The following LRFN5 variants were observed in gnomAD, a reference collection of about 807,000 sequenced individuals.
The protein encoded by LRFN5 is leucine-rich repeat and fibronectin type-III domain-containing protein 5.
Under a neutral mutation model 45.6 loss-of-function variants are expected in LRFN5, and 24 were observed. That is an observed-to-expected ratio of 0.53 (90% CI 0.38 to 0.74). The LOEUF is 0.74. Ranked by LOEUF, LRFN5 falls within the 30% of genes least tolerant of loss-of-function variation. LRFN5 has a pLI of 0.00. For synonymous variants in LRFN5, 340 were observed against 313.8 expected (o/e 1.08, Z -0.88); for missense variants, 776 against 861.5 (o/e 0.90, Z 1.24).
At chr14:41,635,639 T>G (rs530656083) in intron 1 of LRFN5, among the ~76,000 whole-genome samples, 1 of 152,136 alleles carries the variant, frequency 6.6e-6, no homozygotes, top group African/African-American at 2.4e-5. Flanking sequence ...AGGTTGTCCT[T>G]GAAGAACAGG....
intron 2 of LRFN5, among the ~76,000 whole-genome samples, chr14:41,853,895 A>G (rs920213285): frequency 3.9e-5 from 6 of 152,118 alleles, no homozygotes; most frequent in Non-Finnish European, 5.9e-5. Flanking sequence ...AGCAACAACT[A>G]TGATTTACTG....
intron 1 of LRFN5, among the ~76,000 whole-genome samples, chr14:41,661,023 C>T (rs1469565809): frequency 6.7e-6 from 1 of 150,100 alleles, no homozygotes; most frequent in Non-Finnish European, 1.5e-5. Flanking sequence ...TTATTCATTC[C>T]TATGAGGTAC....
chr14:41,618,513 C>T (rs1887998016), intron 1 of LRFN5, among the ~76,000 whole-genome samples: 1 of 152,210 alleles, frequency 6.6e-6, no homozygotes, highest in Non-Finnish European at 1.5e-5. Context: ...GCCAGACACG[C>T]AGATGAGGCC....
chr14:41,901,568 AT>A (rs1291719650), intron 5 of LRFN5, among the ~76,000 whole-genome samples: 1 of 152,036 alleles, frequency 6.6e-6, no homozygotes, highest in East Asian at 1.9e-4. Flanking sequence ...ATTAGTCCAC[AT>A]TTAATAACAA....
At chr14:41,747,310 G>T (rs1051426653) in intron 1 of LRFN5, among the ~76,000 whole-genome samples, 3 of 147,968 alleles carry the variant, frequency 2.0e-5, no homozygotes, top group Admixed American at 1.4e-4. Context: ...GTAATCAAAG[G>T]ATTTTGGTAC....
intron 2 of LRFN5, among the ~76,000 whole-genome samples, chr14:41,781,554 GAAA>G: frequency 1.0e-5 from 1 of 96,086 alleles, no homozygotes; most frequent in African/African-American, 4.1e-5. Flanking sequence ...AAGGAGAAAA[GAAA>G]GAGAAAGAAA....
intron 1 of LRFN5, among the ~76,000 whole-genome samples, chr14:41,686,667 G>C (rs1882138348): frequency 6.6e-6 from 1 of 152,062 alleles, no homozygotes; most frequent in South Asian, 2.1e-4. Context: ...TTTTTAACAT[G>C]AACGGATGTT....
At chr14:41,792,496 C>G (rs1886960603) in intron 2 of LRFN5, among the ~76,000 whole-genome samples, 1 of 151,980 alleles carries the variant, frequency 6.6e-6, no homozygotes, top group East Asian at 1.9e-4. Flanking sequence ...AACACACACT[C>G]CCAGAGTGGC....
chr14:41,671,616 C>CGTTTTTTTTTT (rs1881223805), intron 1 of LRFN5, among the ~76,000 whole-genome samples: 1 of 37,220 alleles, frequency 2.7e-5, no homozygotes, highest in Non-Finnish European at 4.5e-5. Flanking sequence ...TTTTTTTTTT[C>CGTTTTTTTTTT]GTTTTTTTTT....
At position 41,830,421 on chromosome 14, in the gene LRFN5, TG is replaced by T. The variant is rs1295253091; in HGVS notation, c.-20-56184del. Among the ~76,000 whole-genome samples the T allele has an allele frequency of 5.3e-5, 8 of 152,324 alleles. No homozygotes were observed. The East Asian group carries it at 1.5e-3, about 29-fold the overall frequency. On this transcript the variant is annotated intron_variant, in intron 2 of 5. Transcript: ENST00000298119. ...TAAAATATTTAAAGGGTTTTATTAA[TG>T]TTTCCCATCAGCTTTATCTTTGATT...
intron 2 of LRFN5, among the ~76,000 whole-genome samples, chr14:41,876,240 C>T (rs1890179262): frequency 6.6e-6 from 1 of 150,438 alleles, no homozygotes; most frequent in African/African-American, 2.4e-5. Flanking sequence ...TGTAGATACA[C>T]TGAGCACCAG....
At chr14:41,821,230 A>G (rs764579218) in intron 2 of LRFN5, among the ~76,000 whole-genome samples, 1 of 151,982 alleles carries the variant, frequency 6.6e-6, no homozygotes, top group Non-Finnish European at 1.5e-5. Flanking sequence ...GTTCAGTATG[A>G]TATTGGCTGT....
At chr14:41,746,897 G>C (rs1309999317) in intron 1 of LRFN5, among the ~76,000 whole-genome samples, 2 of 151,898 alleles carry the variant, frequency 1.3e-5, no homozygotes, top group African/African-American at 4.8e-5. Context: ...AGCATTTGCA[G>C]TCTATACACT....
intron 2 of LRFN5, among the ~76,000 whole-genome samples, chr14:41,874,903 A>G (rs1890136545): frequency 6.6e-6 from 1 of 152,170 alleles, no homozygotes; most frequent in Non-Finnish European, 1.5e-5. Context: ...AAAAGGAGAA[A>G]AAGCCCCTTA....
chr14:41,667,169 CTG>C (rs1343984548), intron 1 of LRFN5, among the ~76,000 whole-genome samples: 1 of 152,082 alleles, frequency 6.6e-6, no homozygotes, highest in African/African-American at 2.4e-5. Context: ...AAGCGATGAA[CTG>C]TTAGTTTAGA....
intron 2 of LRFN5, among the ~76,000 whole-genome samples, chr14:41,770,319 C>G (rs771459479): frequency 6.6e-6 from 1 of 152,138 alleles, no homozygotes; most frequent in Non-Finnish European, 1.5e-5. Flanking sequence ...ATGTTCTTTT[C>G]AGATTGCAAA....
At chr14:41,708,363 A>G (rs1421742294) in intron 1 of LRFN5, among the ~76,000 whole-genome samples, 3 of 151,992 alleles carry the variant, frequency 2.0e-5, no homozygotes, top group African/African-American at 7.2e-5. Context: ...TTTATCTCTA[A>G]CATTGTATTA....
At chr14:41,764,818 GAATACATATATATGATTATATATGCAGA>G (rs1885810809) in intron 1 of LRFN5, among the ~76,000 whole-genome samples, 1 of 149,952 alleles carries the variant, frequency 6.7e-6, no homozygotes, top group South Asian at 2.1e-4. Flanking sequence ...TATATATGCA[GAATACATATATATGATTATATATGCAGA>G]ATACATATAT....
chr14:41,822,130 A>G (rs1888136604), intron 2 of LRFN5, among the ~76,000 whole-genome samples: 1 of 151,476 alleles, frequency 6.6e-6, no homozygotes, highest in Non-Finnish European at 1.5e-5. Flanking sequence ...TTTGTTGATT[A>G]TTTGTATTTT....
Sources: gnomAD v4.1 joint callset for allele counts (sites outside exome capture counted in the v4.1 genomes callset) on GRCh38, gnomAD v4.1.1 for gene constraint, MANE v1.5 for transcripts, NCBI Gene and HGNC (gene_info 2026-07-23, HGNC 2026-07-21) for gene names.